ANKRD33B: variants seen among roughly 807,000 people sequenced by gnomAD.
ANKRD33B encodes the protein ankyrin repeat domain 33B.
In ANKRD33B, 6 loss-of-function variants were observed where a neutral mutation model predicts 21.5. The observed-to-expected ratio is 0.28, with a 90% CI of 0.15 to 0.55. The LOEUF is 0.55. ANKRD33B is among the 20% of genes least tolerant of loss of function. The pLI, the probability that ANKRD33B is intolerant of heterozygous loss-of-function variation, is 0.94. For missense variants in ANKRD33B, 698 were observed against 747.2 expected (o/e 0.93, Z 0.77); for synonymous variants, 347 against 342.4 (o/e 1.01, Z -0.15).
chr5:10,571,944 A>G (rs1488049268), intron 1 of ANKRD33B, among the ~76,000 whole-genome samples: 1 of 148,950 alleles, frequency 6.7e-6, no homozygotes, highest in Non-Finnish European at 1.5e-5. Context: ...GCCGGAGTGC[A>G]GTGGCGCAAT....
chr5:10,648,808 T>C (rs2126610148), intron 3 of ANKRD33B, among the ~76,000 whole-genome samples: 1 of 151,188 alleles, frequency 6.6e-6, no homozygotes, highest in African/African-American at 2.4e-5. Flanking sequence ...CGGGGTTTTA[T>C]TCAGGACAGA....
rs556346544 is a variant in ANKRD33B, at chr5:10,619,215, C to T, written c.496+753C>T. On this transcript the variant is annotated intron_variant, in intron 2 of 3. Transcript: ENST00000296657. This position sits in a 1 kb window ranked among gnomAD's most constrained non-coding sequence, Gnocchi z 4.5. ...TTGCCTCCAAAGATTCTGTCTGTTT[C>T]ATCGGTCAAGTTCTCAGTTGCAAGC... is the stretch of plus-strand genomic sequence containing the variant. 1.1e-3 allele frequency: 806 copies of T among 760,962 alleles called. 2 individuals are homozygous for T. Among genetic ancestry groups the T allele is most frequent in the Non-Finnish European group, 1.2e-3 (763 of 625,326 alleles). 47.1% of individuals were successfully genotyped at this position (760,962 alleles called of 1,614,324 possible).
chr5:10,638,093 GC>G lies in ANKRD33B; in HGVS notation c.563del (p.Ala188GlyfsTer7). The G allele has an allele frequency of 6.5e-7, 1 of 1,537,544 alleles. No individual in the cohort carries two copies. Among genetic ancestry groups the G allele is most frequent in the East Asian group, 2.4e-5 (1 of 41,052 alleles). Reference protein sequence around the residue: ...FPGLDLERRNAFGFTALMKAA... With the variant: ...FPGLDLERRNXFGFTALMKAA... ...TGGTCTTGACCTTGAAAGGAGGAACGCGTTCGGGTTCACCGCCCTGATGAAA... is the reference window on the plus strand; with the variant it reads ...TGGTCTTGACCTTGAAAGGAGGAACGGTTCGGGTTCACCGCCCTGATGAAA... On this transcript the variant is annotated frameshift_variant, in exon 3 of 4. Coordinates refer to ENST00000296657, the MANE Select transcript of ANKRD33B (RefSeq NM_001164440.2). LOFTEE classifies it high-confidence loss of function.
chr5:10,617,108 T>C (rs1736301606), intron 1 of ANKRD33B, among the ~76,000 whole-genome samples: 1 of 152,228 alleles, frequency 6.6e-6, no homozygotes, highest in Admixed American at 6.5e-5. Flanking sequence ...TCCACCCTCG[T>C]GATCTAATCA....
chr5:10,639,009 C>T lies in ANKRD33B; in HGVS notation c.637+841C>T, dbSNP rs565357604. 7.6e-4 allele frequency among the ~76,000 whole-genome samples: 8 copies of T among 10,570 alleles called. 1 individual carries two copies. Among genetic ancestry groups the T allele is most frequent in the Middle Eastern group, 0.062 (1 of 16 alleles). 6.9% of individuals were successfully genotyped at this position (10,570 alleles called of 152,430 possible). ...CGCGGAGTTGCGCGGCGATGTTAGG[C>T]GGTGACGCGGAGTTGCGCGGCGATG... On this transcript the variant is annotated intron_variant, in intron 3 of 3. Coordinates refer to ENST00000296657, the MANE Select transcript of ANKRD33B (RefSeq NM_001164440.2).
intron 3 of ANKRD33B, among the ~76,000 whole-genome samples, chr5:10,640,048 CACGGTGATGTTAGGCGGTGACGT>C (rs1560985604): frequency 1.3e-5 from 1 of 77,476 alleles, no homozygotes; most frequent in Admixed American, 1.4e-4. Flanking sequence ...CGTGGAGTTG[CACGGTGATGTTAGGCGGTGACGT>C]GGAGTTGCGT....
At position 10,649,606 on chromosome 5, in the gene ANKRD33B, C is replaced by G. The variant is rs1313419908; in HGVS notation, c.978C>G (p.Thr326=). 6.5e-7 allele frequency: 1 copy of G among 1,530,832 alleles called. No homozygotes were observed. Among genetic ancestry groups the G allele is most frequent in the Admixed American group, 2.0e-5 (1 of 50,830 alleles). The allele number at this position is 1,530,832 out of a possible 1,614,324, so 94.8% of individuals were successfully genotyped here. A position where few individuals can be genotyped will look rare whatever the true frequency, so the allele number is the denominator to read the frequency against. ...YSPAVAIVCQ[T]VCPESPPSVG... ...CCGCCGTGGCCATCGTGTGCCAGAC[C>G]GTGTGCCCTGAGAGCCCTCCGAGCG... is the stretch of plus-strand genomic sequence containing the variant. The change falls in exon 4 of 4, where the codon ACC becomes ACG. Residue 326 remains threonine, a synonymous_variant. Coordinates refer to ENST00000296657, the MANE Select transcript of ANKRD33B (RefSeq NM_001164440.2).
At chr5:10,626,293 T>C (rs1177433802) in intron 2 of ANKRD33B, among the ~76,000 whole-genome samples, 1 of 152,220 alleles carries the variant, frequency 6.6e-6, no homozygotes, top group Non-Finnish European at 1.5e-5. Flanking sequence ...TAGAACAGAA[T>C]TGCTTCAGCA....
At chr5:10,616,564 C>CAAAAAAAAAAA (rs56895208) in intron 1 of ANKRD33B, among the ~76,000 whole-genome samples, 1 of 117,580 alleles carries the variant, frequency 8.5e-6, no homozygotes, top group Non-Finnish European at 1.7e-5. Flanking sequence ...AACTCTGTCT[C>CAAAAAAAAAAA]AAAAAAAAAA....
Position 10,564,451 on chromosome 5 carries a change from G to A in ANKRD33B, c.-17G>A. 9.1e-7 allele frequency: 1 copy of A among 1,099,492 alleles called. No individual in the cohort carries two copies. Among genetic ancestry groups the A allele is most frequent in the Non-Finnish European group, 1.1e-6 (1 of 905,524 alleles). The allele number at this position is 1,099,492 out of a possible 1,614,324, so 68.1% of individuals were successfully genotyped here. On this transcript the variant is annotated 5_prime_UTR_variant, in exon 1 of 4. Coordinates refer to ENST00000296657, the MANE Select transcript of ANKRD33B (RefSeq NM_001164440.2). Reference sequence around the variant, plus strand: ...CTGCCCGCGCCCCGGCCCCCGGCCCGCGCCCCGGCCGCCGGCATGGTGCTG... The same window carrying A: ...CTGCCCGCGCCCCGGCCCCCGGCCCACGCCCCGGCCGCCGGCATGGTGCTG...
chr5:10,572,343 C>T (rs752058389), intron 1 of ANKRD33B, among the ~76,000 whole-genome samples: 7 of 152,130 alleles, frequency 4.6e-5, no homozygotes, highest in African/African-American at 7.2e-5. Context: ...AGAATCCCAG[C>T]CCTCCCCACC....
chr5:10,600,110 G>C (rs1735899458), intron 1 of ANKRD33B, among the ~76,000 whole-genome samples: 1 of 152,228 alleles, frequency 6.6e-6, no homozygotes, highest in South Asian at 2.1e-4. Context: ...TAATGATGTT[G>C]AGCATTTTTT....
intron 1 of ANKRD33B, among the ~76,000 whole-genome samples, chr5:10,584,351 G>A (rs1304975880): frequency 6.6e-6 from 1 of 152,078 alleles, no homozygotes; most frequent in Non-Finnish European, 1.5e-5. Flanking sequence ...TTCAAGACCA[G>A]TCTGGGCAAC....
chr5:10,566,234 G>T (rs973343369), intron 1 of ANKRD33B, among the ~76,000 whole-genome samples: 2 of 152,196 alleles, frequency 1.3e-5, no homozygotes, highest in African/African-American at 4.8e-5. Flanking sequence ...ATCACCTGGA[G>T]CCCTGTAGTT....
chr5:10,616,024 T>TG (rs1736276265), intron 1 of ANKRD33B, among the ~76,000 whole-genome samples: 1 of 152,238 alleles, frequency 6.6e-6, no homozygotes, highest in Non-Finnish European at 1.5e-5. Flanking sequence ...ACCATATAGA[T>TG]GGAATGACCT....
rs1163026846 is a variant in ANKRD33B, at chr5:10,650,401, A to C, written c.*288A>C. Reference sequence around the variant, plus strand: ...CAATTAAGATTTTTTTTAAAGATCAATTTATCAAAGGGCGTTTTCTCCGTA... The same window carrying C: ...CAATTAAGATTTTTTTTAAAGATCACTTTATCAAAGGGCGTTTTCTCCGTA... On this transcript the variant is annotated 3_prime_UTR_variant, in exon 4 of 4. Coordinates refer to ENST00000296657, the MANE Select transcript of ANKRD33B (RefSeq NM_001164440.2). The C allele has an allele frequency of 4.0e-6, 1 of 250,018 alleles. No individual in the cohort carries two copies. The highest frequency in any genetic ancestry group is 7.6e-6 in the Non-Finnish European group (1 of 131,894). 15.5% of individuals were successfully genotyped at this position (250,018 alleles called of 1,614,324 possible).
intron 3 of ANKRD33B, among the ~76,000 whole-genome samples, chr5:10,647,109 A>ATT (rs57888805): frequency 2.7e-5 from 4 of 146,402 alleles, no homozygotes; most frequent in African/African-American, 7.5e-5. Flanking sequence ...ATCCTCAATG[A>ATT]TTTTTTTTTT....
chr5:10,649,119 C>A, intron 3 of ANKRD33B, 147 bp from the exon 4 acceptor site: 1 of 1,400,072 alleles, frequency 7.1e-7, no homozygotes, highest in Non-Finnish European at 9.4e-7. Flanking sequence ...GCACAGGGTT[C>A]GCAGAGTGAA....
intron 1 of ANKRD33B, among the ~76,000 whole-genome samples, chr5:10,606,730 CTTTT>C (rs770615117): frequency 7.3e-6 from 1 of 136,262 alleles, no homozygotes; most frequent in African/African-American, 2.7e-5. Context: ...AAGACTCTGT[CTTTT>C]TTTTTTTTTT....
Sources: allele counts gnomAD v4.1 joint callset (sites outside exome capture counted in the v4.1 genomes callset), GRCh38; gene constraint gnomAD v4.1.1; non-coding constraint Gnocchi (gnomAD v3.1); transcripts MANE v1.5; gene names NCBI Gene and HGNC (gene_info 2026-07-23, HGNC 2026-07-21).